DUOX1: variants seen among roughly 807,000 people sequenced by gnomAD.
The protein encoded by DUOX1 is NADPH thyroid oxidase 1.
Under a neutral mutation model 181.8 loss-of-function variants are expected in DUOX1, and 134 were observed. That is an observed-to-expected ratio of 0.74 (90% CI 0.64 to 0.85). The LOEUF is 0.85. Among genes scored for constraint, DUOX1 ranks in the 40% least tolerant of loss-of-function variants. The pLI, the probability that DUOX1 is intolerant of heterozygous loss-of-function variation, is 0.00. For missense variants in DUOX1, 1,814 were observed against 2,064.4 expected, an observed-to-expected ratio of 0.88 and a Z score of 2.35; for synonymous variants, 798 against 832.5, an observed-to-expected ratio of 0.96 and a Z score of 0.71.
intron 28 of DUOX1, among the ~76,000 whole-genome samples, chr15:45,160,315 G>A (rs1314565876): frequency 6.6e-6 from 1 of 152,184 alleles, no homozygotes; most frequent in Non-Finnish European, 1.5e-5. Flanking sequence ...CCAGGAGAAG[G>A]GCATTCCAGG....
intron 25 of DUOX1, 46 bp from the exon 26 acceptor site, chr15:45,153,334 C>A: frequency 1.9e-6 from 3 of 1,544,310 alleles, no homozygotes; most frequent in South Asian, 1.1e-5. Flanking sequence ...AGTGAGCACC[C>A]ACCCTGGGCT....
At chr15:45,157,325 C>G (rs1251538893) in intron 28 of DUOX1, among the ~76,000 whole-genome samples, 4 of 152,194 alleles carry the variant, frequency 2.6e-5, no homozygotes, top group Non-Finnish European at 5.9e-5. Context: ...GGAGCCCTAG[C>G]ATTCTCGGCT....
chr15:45,150,588 G>T (rs980120671), intron 21 of DUOX1, 44 bp from the exon 22 acceptor site: 1 of 1,594,752 alleles, frequency 6.3e-7, no homozygotes. Flanking sequence ...GTCTTCCTGG[G>T]CTCTGGACCC....
In DUOX1 at chr15:45,139,353, G is replaced by C. The variant is rs191735343; in HGVS notation, c.1217-74G>C. ...GGCTCAAGTCTCCTGGGGCTGGTTG[G>C]AGCTTGGGGCCTGGACTGGACACTG... is the stretch of plus-strand genomic sequence containing the variant. On this transcript the variant is annotated intron_variant, in intron 11 of 33. Transcript: ENST00000389037. 4.7e-4 allele frequency: 754 copies of C among 1,590,018 alleles called. 6 individuals are homozygous for C. In the African/African-American group the frequency reaches 9.4e-3, roughly 20 times the overall value.
At chr15:45,130,597 T>G (rs55776578) in intron 1 of DUOX1, among the ~76,000 whole-genome samples, 1 of 152,032 alleles carries the variant, frequency 6.6e-6, no homozygotes, top group African/African-American at 2.4e-5. Context: ...GGGGCTTCAC[T>G]GCCCTGTCCT....
In DUOX1 at chr15:45,148,359, G is replaced by C. The variant is rs768162636; in HGVS notation, c.2730G>C (p.Gln910His). 8.1e-6 allele frequency: 13 copies of C among 1,614,224 alleles called. No homozygotes were observed. The highest frequency in any genetic ancestry group is 1.1e-5 in the Non-Finnish European group (13 of 1,180,054). Residue 910 changes from glutamine to histidine, a missense_variant, in exon 21 of 34, where the codon CAG becomes CAC. Gln to His is a conservative substitution (Grantham distance 24, BLOSUM62 0). This residue lies in a region of DUOX1 where 1,064 missense variants were observed against 1,152.9 expected (regional missense o/e 0.92). Coordinates refer to ENST00000389037, the MANE Select transcript of DUOX1 (RefSeq NM_175940.3). ...CCATGTTCCGGGAGTCGGGATTCCA[G>C]GACAAGGAGGAACTGACATGGGAAG... ...VESMFRESGF[Q>H]DKEELTWEDF...
At chr15:45,150,729 G>C (rs561924467) in intron 22 of DUOX1, 28 bp downstream of exon 22, 1 of 1,609,512 alleles carries the variant, frequency 6.2e-7, no homozygotes, top group South Asian at 1.1e-5. Context: ...AATGTCGGGG[G>C]GAGGAGTTGG....
At position 45,165,023 on chromosome 15, in the gene DUOX1, T is replaced by C; in HGVS notation, c.*122T>C. On this transcript the variant is annotated 3_prime_UTR_variant, in exon 34 of 34. Coordinates refer to ENST00000389037, the MANE Select transcript of DUOX1 (RefSeq NM_175940.3). ...TCTGATTTCCCACCTCCCAACCTTG[T>C]TCCAGGTGGCCATAGTCAGTCACCA... 3 of 1,179,286 alleles carry C rather than the reference T, an allele frequency of 2.5e-6. No homozygotes were observed. The highest frequency in any genetic ancestry group is 2.0e-5 in the Admixed American group (1 of 49,918). 73.1% of individuals were successfully genotyped at this position (1,179,286 alleles called of 1,614,324 possible).
At chr15:45,159,036 A>G (rs1475966953) in intron 28 of DUOX1, among the ~76,000 whole-genome samples, 4 of 152,190 alleles carry the variant, frequency 2.6e-5, no homozygotes, top group African/African-American at 9.6e-5. Flanking sequence ...AAGCTTTGAC[A>G]GGGCAGAGTG....
At position 45,152,360 on chromosome 15, in the gene DUOX1, G is replaced by A. The variant is rs779579900; in HGVS notation, c.3268G>A (p.Ala1090Thr). The A allele has an allele frequency of 1.2e-6, 2 of 1,614,196 alleles. No individual in the cohort carries two copies. Among genetic ancestry groups the A allele is most frequent in the Non-Finnish European group, 1.7e-6 (2 of 1,180,032 alleles). Residue 1090 changes from alanine to threonine, a missense_variant, in exon 25 of 34, where the codon GCA (alanine) becomes ACA (threonine). By Grantham distance (58) the Ala-to-Thr change is moderately conservative (BLOSUM62 0). This residue lies in a region of DUOX1 where 1,064 missense variants were observed against 1,152.9 expected (regional missense o/e 0.92). Transcript: ENST00000389037. ...GGGAATCATCCTGTCGCGGGGCACAGCAGCCAGCATCTCTTTCATGTTCTC... is the reference window on the plus strand; with the variant it reads ...GGGAATCATCCTGTCGCGGGGCACAACAGCCAGCATCTCTTTCATGTTCTC... Reference protein sequence around the residue: ...RVGIILSRGTAASISFMFSYI... With the variant: ...RVGIILSRGTTASISFMFSYI...
At chr15:45,143,854 TATTCTTTTC>T (rs1896571342) in intron 16 of DUOX1, among the ~76,000 whole-genome samples, 173 bp from the exon 17 acceptor site, 2 of 152,246 alleles carry the variant, frequency 1.3e-5, no homozygotes, top group African/African-American at 4.8e-5. Context: ...TGATAGTTAC[TATTCTTTTC>T]ATGGGGCTAG....
chr15:45,141,472 T>C, intron 14 of DUOX1, 62 bp downstream of exon 14: 1 of 1,541,616 alleles, frequency 6.5e-7, no homozygotes, highest in Non-Finnish European at 9.0e-7. Flanking sequence ...TCTTCAGCTC[T>C]GGGCTTGGCT....
intron 28 of DUOX1, among the ~76,000 whole-genome samples, chr15:45,159,768 C>A (rs1201663285): frequency 6.6e-6 from 1 of 152,204 alleles, no homozygotes; most frequent in Admixed American, 6.5e-5. Context: ...ATATGCCAGG[C>A]AGAAACTGCT....
At chr15:45,163,939 G>A (rs1254054413) in intron 33 of DUOX1, 21 bp downstream of exon 33, 2 of 1,610,658 alleles carry the variant, frequency 1.2e-6, no homozygotes, top group East Asian at 2.2e-5. Context: ...CCCATAACCA[G>A]GTTCTCTTCC....
At position 45,144,911 on chromosome 15, in the gene DUOX1, T is replaced by C. The variant is rs1017206417; in HGVS notation, c.2153T>C (p.Leu718Ser). ...CCCCCTTAGGTGCTGCTGTTTAACT[T>C]GGAGGAAGAGCGGCAGGCGCTGGTG... ...KEYDLVLLFNLEEERQALVEN... is the reference protein window; with the variant it reads ...KEYDLVLLFNSEEERQALVEN... Residue 718 changes from leucine to serine, a missense_variant, in exon 18 of 34, where the codon TTG becomes TCG. By Grantham distance (145) the Leu-to-Ser change is moderately radical. Around this residue, in one of 5 missense-constraint regions of DUOX1, gnomAD observed 1,064 missense variants for 1,152.9 expected, o/e 0.92. Transcript: ENST00000389037. The C allele has an allele frequency of 5.0e-6, 8 of 1,611,672 alleles. No homozygotes were observed. The highest frequency in any genetic ancestry group is 6.8e-6 in the Non-Finnish European group (8 of 1,179,110).
chr15:45,144,806 C>CCA, intron 17 of DUOX1, 89 bp from the exon 18 acceptor site: 1 of 1,375,634 alleles, frequency 7.3e-7, no homozygotes, highest in Admixed American at 2.3e-5. Flanking sequence ...CAAGGCCACC[C>CCA]CAGTGGCCCC....
chr15:45,151,020 T>G, intron 22 of DUOX1, 103 bp from the exon 23 acceptor site: 2 of 1,523,598 alleles, frequency 1.3e-6, no homozygotes, highest in Non-Finnish European at 1.8e-6. Flanking sequence ...TGCTGACAGC[T>G]CTGATCCTTC....
rs1423709558 is a variant in DUOX1 at position 45,147,566 on chromosome 15, T to C, written c.2456T>C (p.Phe819Ser). 3.7e-6 allele frequency: 6 copies of C among 1,613,960 alleles called. No homozygotes were observed. Among genetic ancestry groups the C allele is most frequent in the African/African-American group, 2.7e-5 (2 of 74,932 alleles). The change falls in exon 19 of 34, where the codon TTT (phenylalanine) becomes TCT (serine). Residue 819 changes from phenylalanine (F) to serine (S), a missense_variant. Physicochemically the swap from Phe to Ser is radical, Grantham distance 155 (BLOSUM62 -2). Coordinates refer to ENST00000389037, the MANE Select transcript of DUOX1 (RefSeq NM_175940.3). ...ESLGLKPQDM[F>S]VESMFSLADK... ...CTGGGCCTCAAGCCCCAGGACATGT[T>C]TGTGGAGTCCATGTTCTCTCTGGCT...
In DUOX1 at chr15:45,153,947, A is replaced by T; in HGVS notation, c.3525-4A>T. 6.2e-7 allele frequency: 1 copy of T among 1,612,154 alleles called. No individual in the cohort carries two copies. The highest frequency in any genetic ancestry group is 1.3e-5 in the African/African-American group (1 of 74,802). ...GGTGTCTCTTTGCTGTCCCTTCCAC[A>T]CAGGTCTGAGCTCCCCCAGAAGTAT... On this transcript the variant is annotated splice_region_variant and splice_polypyrimidine_tract_variant and intron_variant, in intron 26 of 33. Coordinates refer to ENST00000389037, the MANE Select transcript of DUOX1 (RefSeq NM_175940.3).
Sources: gnomAD v4.1 joint callset for allele counts (sites outside exome capture counted in the v4.1 genomes callset) on GRCh38, gnomAD v4.1.1 for gene constraint, gnomAD v4.1.1 regional missense constraint, MANE v1.5 for transcripts, NCBI Gene and HGNC (gene_info 2026-07-23, HGNC 2026-07-21) for gene names.